The following PCDH19 variants were observed in gnomAD, a reference collection of about 807,000 sequenced individuals.
The protein encoded by PCDH19 is protocadherin 19.
Under a neutral mutation model 46.2 loss-of-function variants are expected in PCDH19, and 6 were observed. That is an observed-to-expected ratio of 0.13 (90% confidence interval 0.07 to 0.26). PCDH19 has a LOEUF of 0.26. Ranked by LOEUF, PCDH19 falls within the 10% of genes least tolerant of loss-of-function variation. PCDH19 has a pLI of 1.00. For synonymous variants in PCDH19, 481 were observed against 415.7 expected, an observed-to-expected ratio of 1.16 and a Z score of -1.91; for missense variants, 740 against 972.3, an observed-to-expected ratio of 0.76 and a Z score of 3.18.
chrX:100,406,176 C>T (rs751158448), intron 1 of PCDH19, among the ~76,000 whole-genome samples: 3 of 111,738 alleles, frequency 2.7e-5, no homozygotes, highest in African/African-American at 9.8e-5. Context: ...TTCATGGAGA[C>T]AGCTATGCAA....
chrX:100,304,755 CACACTTAGAGAAAT>C (rs1924886284), intron 5 of PCDH19, among the ~76,000 whole-genome samples: 2 of 112,211 alleles, frequency 1.8e-5, no homozygotes, highest in East Asian at 5.6e-4. Flanking sequence ...AAATCAAGGA[CACACTTAGAGAAAT>C]GCAAAATGCA....
chrX:100,342,114 G>T (rs762365704), intron 4 of PCDH19, 39 bp from the exon 5 acceptor site: 1 of 1,155,164 alleles, frequency 8.7e-7, no homozygotes, highest in Non-Finnish European at 1.2e-6. Context: ...GACCGTGACA[G>T]ATCTGATTTT....
At chrX:100,365,131 GT>G (rs902966515) in intron 3 of PCDH19, among the ~76,000 whole-genome samples, 5 of 65,141 alleles carry the variant, frequency 7.7e-5, no homozygotes, top group African/African-American at 2.8e-4. Context: ...TATAGCAATT[GT>G]TTTTTTTTAC....
chrX:100,330,178 A>G (rs1925832109), intron 5 of PCDH19, among the ~76,000 whole-genome samples: 1 of 112,094 alleles, frequency 8.9e-6, no homozygotes, highest in Non-Finnish European at 1.9e-5. Context: ...CTCATTAATG[A>G]TTAAAAACAG....
intron 5 of PCDH19, among the ~76,000 whole-genome samples, chrX:100,313,407 G>A (rs956965624): frequency 2.7e-4 from 30 of 111,357 alleles, no homozygotes; most frequent in Admixed American, 2.4e-3. Context: ...ATTCCAATTC[G>A]GCAGTTATAA....
At chrX:100,305,388 C>A (rs1924913753) in intron 5 of PCDH19, among the ~76,000 whole-genome samples, 1 of 111,563 alleles carries the variant, frequency 9.0e-6, no homozygotes, top group Non-Finnish European at 1.9e-5. Context: ...TTCGCCACTA[C>A]CAAGACAGCA....
chrX:100,355,905 T>C (rs1348760115), intron 3 of PCDH19, among the ~76,000 whole-genome samples: 1 of 111,114 alleles, frequency 9.0e-6, no homozygotes, highest in African/African-American at 3.3e-5. Context: ...TGCATTACTT[T>C]TACAGTTCAC....
intron 5 of PCDH19, among the ~76,000 whole-genome samples, chrX:100,328,502 C>T (rs1033746806): frequency 2.7e-5 from 3 of 111,406 alleles, no homozygotes; most frequent in African/African-American, 9.8e-5. Flanking sequence ...CATTCCTTGG[C>T]TCATCATCCC....
At chrX:100,321,060 T>G (rs1925461267) in intron 5 of PCDH19, among the ~76,000 whole-genome samples, 1 of 111,283 alleles carries the variant, frequency 9.0e-6, no homozygotes, top group African/African-American at 3.3e-5. Flanking sequence ...CCTGAGTTAC[T>G]TCACTTAGAA....
At chrX:100,358,309 G>A (rs893980135) in intron 3 of PCDH19, among the ~76,000 whole-genome samples, 2 of 111,849 alleles carry the variant, frequency 1.8e-5, no homozygotes, top group South Asian at 7.4e-4. Context: ...AACAACTCTA[G>A]CATCCCAGTG....
intron 3 of PCDH19, among the ~76,000 whole-genome samples, chrX:100,352,967 G>A (rs1168458734): frequency 8.9e-6 from 1 of 112,279 alleles, no homozygotes; most frequent in Non-Finnish European, 1.9e-5. Flanking sequence ...ATTTCACTCT[G>A]CGATCTTGGG....
chrX:100,402,479 A>G (rs191665691), intron 3 of PCDH19, 45 bp downstream of exon 3: 1 of 1,083,620 alleles, frequency 9.2e-7, no homozygotes, highest in Non-Finnish European at 1.3e-6. Context: ...GCAGCTAAAG[A>G]AGGAGACCTG....
Position 100,402,533 on chromosome X carries a change from A to G in PCDH19, c.2607T>C (p.Pro869=), listed in dbSNP as rs766605694. Residue 869 remains proline (P), a synonymous_variant, in exon 3 of 6, where the codon CCT becomes CCC. Coordinates refer to ENST00000373034, the MANE Select transcript of PCDH19 (RefSeq NM_001184880.2). The part of the protein sequence containing the change: ...QQPDLIINGV[P]LPETENYSFD... Reference sequence around the variant, plus strand: ...ACTTAGCTGCACTCACCTCAGGCAGAGGCACACCGTTGATAATCAGGTCAG... The same window carrying G: ...ACTTAGCTGCACTCACCTCAGGCAGGGGCACACCGTTGATAATCAGGTCAG... The G allele has an allele frequency of 7.4e-6, 9 of 1,210,165 alleles. No homozygotes were observed. In the South Asian group the frequency reaches 1.6e-4, roughly 21 times the overall value.
Position 100,296,646 on chromosome X carries a change from C to T in PCDH19, c.3078G>A (p.Pro1026=), listed in dbSNP as rs1358480010. The part of the protein sequence containing the change: ...ATFGKDVSDH[P]AEERPTLKGK... The stretch of plus-strand genomic sequence containing the variant: ...CTTTCAGGGTAGGCCTCTCCTCAGC[C>T]GGGTGGTCGCTGACATCTTTCCCAA... Residue 1026 remains proline (P), a synonymous_variant, in exon 6 of 6, where the codon CCG becomes CCA. Coordinates refer to ENST00000373034, the MANE Select transcript of PCDH19 (RefSeq NM_001184880.2). The T allele has an allele frequency of 5.0e-6, 6 of 1,209,233 alleles. No homozygotes were observed. Among genetic ancestry groups the T allele is most frequent in the African/African-American group, 1.8e-5 (1 of 56,968 alleles).
At chrX:100,387,108 T>C (rs868742046) in intron 3 of PCDH19, among the ~76,000 whole-genome samples, 1 of 111,774 alleles carries the variant, frequency 8.9e-6, no homozygotes, top group Non-Finnish European at 1.9e-5. Context: ...CTGATGTCTA[T>C]CTACACAGGA....
chrX:100,352,922 C>T (rs1413945856), intron 3 of PCDH19, among the ~76,000 whole-genome samples: 1 of 112,252 alleles, frequency 8.9e-6, no homozygotes, highest in African/African-American at 3.2e-5. Flanking sequence ...TGTTAAAACC[C>T]GGAATTGATT....
At chrX:100,358,792 C>A (rs1926793281) in intron 3 of PCDH19, among the ~76,000 whole-genome samples, 1 of 112,021 alleles carries the variant, frequency 8.9e-6, no homozygotes, top group African/African-American at 3.2e-5. Context: ...AATGCAGAAT[C>A]AACAATATCT....
intron 5 of PCDH19, among the ~76,000 whole-genome samples, chrX:100,309,180 A>ACACACACACACACACACC (rs1249029999): frequency 2.7e-5 from 3 of 110,557 alleles, no homozygotes; most frequent in African/African-American, 6.6e-5. Flanking sequence ...ACACACACAC[A>ACACACACACACACACACC]CCATGGAAAT....
chrX:100,383,415 T>C (rs1215421031), intron 3 of PCDH19, among the ~76,000 whole-genome samples: 2 of 111,631 alleles, frequency 1.8e-5, no homozygotes, highest in African/African-American at 6.5e-5. Flanking sequence ...CCATACGAAA[T>C]AGAGATGCAA....
Sources: allele counts gnomAD v4.1 joint callset (sites outside exome capture counted in the v4.1 genomes callset), GRCh38; gene constraint gnomAD v4.1.1; transcripts MANE v1.5; gene names NCBI Gene and HGNC (gene_info 2026-07-23, HGNC 2026-07-21).